Variants in LUZP2 observed in about 807,000 individuals in gnomAD.
LUZP2 encodes the protein leucine zipper protein 2.
A neutral mutation model predicts 51.6 loss-of-function variants in LUZP2; 52 were observed. The observed-to-expected ratio is 1.01, with a 90% CI of 0.81 to 1.27. LUZP2 has a LOEUF of 1.27. Ranked by LOEUF, LUZP2 falls within the 50% of genes most tolerant of loss-of-function variation. LUZP2 has a pLI of 0.00. For synonymous variants in LUZP2, 154 were observed against 137.3 expected (o/e 1.12, Z -0.85); for missense variants, 436 against 395.4 (o/e 1.10, Z -0.87).
chr11:24,885,422 A>G (rs1322967482), intron 5 of LUZP2, among the ~76,000 whole-genome samples: 2 of 152,114 alleles, frequency 1.3e-5, no homozygotes, highest in African/African-American at 4.8e-5. Flanking sequence ...TGAAAGAGAA[A>G]ACAAGGACTC....
At chr11:24,533,364 T>C (rs1192444861) in intron 1 of LUZP2, among the ~76,000 whole-genome samples, 4 of 151,350 alleles carry the variant, frequency 2.6e-5, no homozygotes, top group African/African-American at 7.3e-5. Context: ...ATCCTACCCA[T>C]TCAACTCCCT....
intron 4 of LUZP2, 177 bp from the exon 5 acceptor site, chr11:24,763,069 A>T: frequency 9.2e-6 from 4 of 433,246 alleles, no homozygotes; most frequent in Non-Finnish European, 1.2e-5. Context: ...AATATAATCA[A>T]TGAATATATG....
At position 24,916,389 on chromosome 11, in the gene LUZP2, A is replaced by G. The variant is rs182979390; in HGVS notation, c.522+1851A>G. ...CTAGGGTACATGTTCACAATGTGCA[A>G]GTTTGTTACTATGTATACATGTGCC... On this transcript the variant is annotated intron_variant, in intron 7 of 11. Coordinates refer to ENST00000336930, the MANE Select transcript of LUZP2 (RefSeq NM_001009909.4). Among the ~76,000 whole-genome samples the G allele has an allele frequency of 3.4e-4, 51 of 151,798 alleles. 1 individual carries two copies. The highest frequency in any genetic ancestry group is 1.2e-3 in the African/African-American group (48 of 41,358).
chr11:24,531,201 G>A (rs1262594314), intron 1 of LUZP2, among the ~76,000 whole-genome samples: 1 of 150,396 alleles, frequency 6.6e-6, no homozygotes, highest in Non-Finnish European at 1.5e-5. Flanking sequence ...ACCTGGTAAT[G>A]AAGACTAAAC....
chr11:24,771,782 A>G (rs2134053070), intron 5 of LUZP2, among the ~76,000 whole-genome samples: 2 of 152,176 alleles, frequency 1.3e-5, no homozygotes, highest in Middle Eastern at 6.8e-3. Context: ...TTCTCCCAGT[A>G]GTGAATAAGT....
At chr11:24,923,399 T>C (rs1449944951) in intron 7 of LUZP2, among the ~76,000 whole-genome samples, 1 of 151,764 alleles carries the variant, frequency 6.6e-6, no homozygotes, top group African/African-American at 2.4e-5. Flanking sequence ...AAGCCATAGC[T>C]ACAAAGACAG....
intron 9 of LUZP2, among the ~76,000 whole-genome samples, chr11:25,008,280 A>T (rs1240980529): frequency 6.6e-6 from 1 of 152,208 alleles, no homozygotes; most frequent in Non-Finnish European, 1.5e-5. Flanking sequence ...TGGTGGGTAG[A>T]TGAGGGAAAA....
At chr11:24,885,338 G>C (rs889823330) in intron 5 of LUZP2, among the ~76,000 whole-genome samples, 1 of 152,042 alleles carries the variant, frequency 6.6e-6, no homozygotes, top group Non-Finnish European at 1.5e-5. Flanking sequence ...CATTGTGCCA[G>C]CTTCTGATAT....
intron 9 of LUZP2, among the ~76,000 whole-genome samples, chr11:25,034,654 C>G (rs1308595480): frequency 6.6e-6 from 1 of 152,032 alleles, no homozygotes; most frequent in Non-Finnish European, 1.5e-5. Context: ...GCCAGTTATC[C>G]CAGTTCCATT....
At chr11:24,997,070 A>G (rs1856525358) in intron 9 of LUZP2, among the ~76,000 whole-genome samples, 1 of 150,458 alleles carries the variant, frequency 6.6e-6, no homozygotes, top group Non-Finnish European at 1.5e-5. Flanking sequence ...ATAGTGCCAC[A>G]ATAAACATAC....
rs530438415 is a variant in LUZP2, at chr11:24,583,153, G to A, written c.62+85848G>A. 1.5e-4 allele frequency among the ~76,000 whole-genome samples: 23 copies of A among 152,014 alleles called. No individual in the cohort carries two copies. The East Asian group carries it at 1.7e-3, about 12-fold the overall frequency. ...TATAATCATTCTAACACGTATGTAT[G>A]TACACATAATATCACATATCATTAT... is the stretch of plus-strand genomic sequence containing the variant. On this transcript the variant is annotated intron_variant, in intron 1 of 11. Transcript: ENST00000336930.
chr11:24,872,767 C>T, intron 5 of LUZP2, among the ~76,000 whole-genome samples: 1 of 152,054 alleles, frequency 6.6e-6, no homozygotes, highest in East Asian at 1.9e-4. Flanking sequence ...ATTTACAAAG[C>T]ATTTGCACAT....
intron 5 of LUZP2, among the ~76,000 whole-genome samples, chr11:24,778,299 T>G (rs2631402): frequency 6.6e-6 from 1 of 151,958 alleles, no homozygotes. Flanking sequence ...GCCTGTAGTC[T>G]TAGCTATTCA....
chr11:24,861,546 C>T (rs1442875541), intron 5 of LUZP2, among the ~76,000 whole-genome samples: 1 of 152,230 alleles, frequency 6.6e-6, no homozygotes, highest in East Asian at 1.9e-4. Flanking sequence ...CCCCAAGACA[C>T]ATAATTGCCG....
chr11:24,823,471 A>T (rs1308040876), intron 5 of LUZP2, among the ~76,000 whole-genome samples: 1 of 152,050 alleles, frequency 6.6e-6, no homozygotes, highest in Non-Finnish European at 1.5e-5. Context: ...ATTGAGTGTA[A>T]TACAAAATAT....
intron 9 of LUZP2, among the ~76,000 whole-genome samples, chr11:25,026,363 T>A (rs1051404445): frequency 6.6e-6 from 1 of 152,150 alleles, no homozygotes; most frequent in Non-Finnish European, 1.5e-5. Flanking sequence ...AATTTTGGAA[T>A]GTATATGAAA....
intron 4 of LUZP2, among the ~76,000 whole-genome samples, chr11:24,757,679 A>G (rs750517351): frequency 2.0e-5 from 3 of 151,992 alleles, no homozygotes; most frequent in Non-Finnish European, 4.4e-5. Flanking sequence ...AGATTATGCT[A>G]AAGAAAAAAG....
chr11:24,724,675 C>A (rs1182792927), intron 1 of LUZP2, among the ~76,000 whole-genome samples: 1 of 152,076 alleles, frequency 6.6e-6, no homozygotes, highest in Non-Finnish European at 1.5e-5. Flanking sequence ...TCTTAGGCAA[C>A]ATGATTAATA....
At chr11:24,779,592 C>G (rs1244692785) in intron 5 of LUZP2, among the ~76,000 whole-genome samples, 1 of 152,150 alleles carries the variant, frequency 6.6e-6, no homozygotes. Flanking sequence ...AAATATTACT[C>G]GTGGCATATT....
Sources: gnomAD v4.1 joint callset for allele counts (sites outside exome capture counted in the v4.1 genomes callset) on GRCh38, gnomAD v4.1.1 for gene constraint, MANE v1.5 for transcripts, NCBI Gene and HGNC (gene_info 2026-07-23, HGNC 2026-07-21) for gene names.